Variants in ANXA2 observed in about 807,000 individuals in gnomAD.
The protein encoded by ANXA2 is annexin A2, also known as annexin II.
Under a neutral mutation model 47.3 loss-of-function variants are expected in ANXA2, and 28 were observed. The observed-to-expected ratio is 0.59, with a 90% confidence interval of 0.44 to 0.81. ANXA2 has a LOEUF of 0.81. ANXA2 is among the 40% of genes least tolerant of loss of function. ANXA2 has a pLI of 0.00. For missense variants in ANXA2, 384 were observed against 414.3 expected (o/e 0.93, Z 0.64); for synonymous variants, 172 against 155.5 (o/e 1.11, Z -0.79).
chr15:60,359,008 C>T (rs2062473845), intron 5 of ANXA2, among the ~76,000 whole-genome samples: 1 of 152,226 alleles, frequency 6.6e-6, no homozygotes, highest in South Asian at 2.1e-4. Context: ...GTCCACAATT[C>T]CTATCACAAG....
At chr15:60,378,706 C>G (rs935871085) in intron 3 of ANXA2, among the ~76,000 whole-genome samples, 1 of 152,174 alleles carries the variant, frequency 6.6e-6, no homozygotes. Context: ...TGTCTCATAC[C>G]TGTAATCCCA....
At chr15:60,347,818 T>C (rs1895790989) in intron 12 of ANXA2, 129 bp from the exon 13 acceptor site, 2 of 818,258 alleles carry the variant, frequency 2.4e-6, no homozygotes, top group South Asian at 1.6e-5. Context: ...GCAGGAGACC[T>C]GCCCTGATAC....
chr15:60,348,800 C>T (rs1040159940), intron 12 of ANXA2, among the ~76,000 whole-genome samples: 11 of 151,852 alleles, frequency 7.2e-5, no homozygotes, highest in Middle Eastern at 3.4e-3. Flanking sequence ...TTCGGGATGT[C>T]AGCAAGCCTT....
intron 3 of ANXA2, 139 bp from the exon 4 acceptor site, chr15:60,364,662 TTCTA>T (rs1265293375): frequency 5.0e-6 from 3 of 604,888 alleles, no homozygotes; most frequent in Non-Finnish European, 8.5e-6. Context: ...CCAAGATTTG[TTCTA>T]TCTCTTTCGT....
intron 12 of ANXA2, among the ~76,000 whole-genome samples, chr15:60,348,527 G>A (rs192016086): frequency 2.0e-5 from 3 of 152,066 alleles, no homozygotes; most frequent in African/African-American, 4.8e-5. Context: ...GGCGGATCAC[G>A]AGGTCAGGAG....
rs1213661660 is a variant in ANXA2 at position 60,355,815 on chromosome 15, G to C, written c.528+104C>G. 3 of 987,328 alleles carry C rather than the reference G, an allele frequency of 3.0e-6. No individual in the cohort carries two copies. The East Asian group carries it at 7.1e-5, about 24-fold the overall frequency. The allele number at this position is 987,328 out of a possible 1,614,324, so 61.2% of individuals were successfully genotyped here. On this transcript the variant is annotated intron_variant, in intron 7 of 12. Transcript: ENST00000451270. Reference sequence around the variant, plus strand: ...CTTTCAAAAATGCAGCTGAATTTCTGATGCAGGCACAGGGGATTTAGTTAA... The same window carrying C: ...CTTTCAAAAATGCAGCTGAATTTCTCATGCAGGCACAGGGGATTTAGTTAA...
intron 3 of ANXA2, among the ~76,000 whole-genome samples, chr15:60,369,366 AT>A (rs1409507102): frequency 6.6e-6 from 1 of 152,204 alleles, no homozygotes; most frequent in Non-Finnish European, 1.5e-5. Context: ...CCACTTGTTT[AT>A]TAACGTGTTT....
rs1254530427 is a variant in ANXA2 at position 60,354,138 on chromosome 15, A to C, written c.588+16T>G. On this transcript the variant is annotated intron_variant, in intron 8 of 12. Coordinates refer to ENST00000451270, the MANE Select transcript of ANXA2 (RefSeq NM_004039.3). The stretch of plus-strand genomic sequence containing the variant: ...ACCAGAAAACAAAAACTCAAAGCAA[A>C]AAGCTCAGCACTTACCCGAGCATCT... 1 of 1,610,654 alleles carries C rather than the reference A, an allele frequency of 6.2e-7. No individual in the cohort carries two copies. Among genetic ancestry groups the C allele is most frequent in the Admixed American group, 1.7e-5 (1 of 59,278 alleles).
At position 60,361,401 on chromosome 15, in the gene ANXA2, G is replaced by A. The variant is rs955017652; in HGVS notation, c.244-347C>T. 2.8e-5 allele frequency: 6 copies of A among 216,394 alleles called. No individual in the cohort carries two copies. In the East Asian group the frequency reaches 4.7e-4, roughly 17 times the overall value. The allele number at this position is 216,394 out of a possible 1,614,324, so 13.4% of individuals were successfully genotyped here. A position where few individuals can be genotyped will look rare whatever the true frequency, so the allele number is the denominator to read the frequency against. On this transcript the variant is annotated intron_variant, in intron 4 of 12. Transcript: ENST00000451270. ...AGTAACACTCCGTGGAAGGCAGGAC[G>A]CTTTCGGAGATCAAGGCCCCTGCTA...
intron 3 of ANXA2, among the ~76,000 whole-genome samples, chr15:60,378,513 A>G (rs1223044329): frequency 2.0e-5 from 3 of 152,188 alleles, no homozygotes; most frequent in African/African-American, 7.2e-5. Flanking sequence ...TACCATAACC[A>G]ATGCTAATAT....
intron 6 of ANXA2, among the ~76,000 whole-genome samples, chr15:60,356,711 C>G (rs533698796): frequency 9.2e-5 from 14 of 152,250 alleles, no homozygotes; most frequent in Non-Finnish European, 1.9e-4. Context: ...CCCCTCATAG[C>G]CTTCTATACT....
Position 60,351,236 on chromosome 15 carries a change from T to C in ANXA2, c.794A>G (p.Asn265Ser), listed in dbSNP as rs1895997244. 4 of 1,614,240 alleles carry C rather than the reference T, an allele frequency of 2.5e-6. No individual in the cohort carries two copies. Among genetic ancestry groups the C allele is most frequent in the Non-Finnish European group, 1.7e-6 (2 of 1,180,040 alleles). The change falls in exon 11 of 13, where the codon AAC (asparagine) becomes AGC (serine). Residue 265 changes from asparagine to serine, a missense_variant. Asn to Ser is a conservative substitution (Grantham distance 46). Transcript: ENST00000451270. ...AFLNLVQCIQ[N>S]KPLYFADRLY... The stretch of plus-strand genomic sequence containing the variant: ...CCGATCAGCAAAATACAGGGGCTTG[T>C]TCTGAATGCACTGAACTGTGGAGAG...
chr15:60,370,198 C>G (rs567092024), intron 3 of ANXA2, among the ~76,000 whole-genome samples: 1 of 152,330 alleles, frequency 6.6e-6, no homozygotes, highest in African/African-American at 2.4e-5. Context: ...TACAAGTGAA[C>G]AGCCGTAATG....
chr15:60,364,605 T>C (rs2062566986), intron 3 of ANXA2, 82 bp from the exon 4 acceptor site: 1 of 1,043,368 alleles, frequency 9.6e-7, no homozygotes, highest in Non-Finnish European at 1.4e-6. Context: ...GCAGACTTTT[T>C]CAAACTGAAA....
At chr15:60,348,510 C>T (rs35182260) in intron 12 of ANXA2, among the ~76,000 whole-genome samples, 35,130 of 151,998 alleles carry the variant, frequency 0.23, 5,321 homozygotes, top group Middle Eastern at 0.37. Context: ...TTTGGGAGGC[C>T]GAGGCGGGCG....
At chr15:60,349,304 C>G in intron 11 of ANXA2, 107 bp from the exon 12 acceptor site, 1 of 1,304,920 alleles carries the variant, frequency 7.7e-7, no homozygotes, top group Middle Eastern at 2.0e-4. Flanking sequence ...CTAAAATGCT[C>G]CAAAATCCAA....
intron 3 of ANXA2, chr15:60,374,731 C>T (rs2062754939): frequency 2.2e-6 from 1 of 455,916 alleles, no homozygotes; most frequent in South Asian, 1.5e-5. Context: ...TCTGTGCTGG[C>T]AGAGTCACAG....
At chr15:60,368,316 A>AAATAAAAT (rs1555401432) in intron 3 of ANXA2, among the ~76,000 whole-genome samples, 445 of 113,988 alleles carry the variant, frequency 3.9e-3, no homozygotes, top group African/African-American at 0.014. Context: ...AATAAAAAAA[A>AAATAAAAT]AAAATAAAAT....
chr15:60,371,447 C>G (rs1022694412), intron 3 of ANXA2, among the ~76,000 whole-genome samples: 4 of 152,326 alleles, frequency 2.6e-5, no homozygotes, highest in African/African-American at 9.6e-5. Context: ...TTTCCTCCTC[C>G]TCTCTGCGGG....
Sources: allele counts gnomAD v4.1 joint callset (sites outside exome capture counted in the v4.1 genomes callset), GRCh38; gene constraint gnomAD v4.1.1; transcripts MANE v1.5; gene names NCBI Gene and HGNC (gene_info 2026-07-23, HGNC 2026-07-21).